CHRNB4: variants seen among roughly 807,000 people sequenced by gnomAD.
CHRNB4 encodes the protein neuronal acetylcholine receptor subunit beta-4.
A neutral mutation model predicts 40.4 loss-of-function variants in CHRNB4; 23 were observed. The ratio of observed to expected loss-of-function variants is 0.57; its 90% CI spans 0.41 to 0.81. The LOEUF (loss-of-function observed/expected upper bound fraction) is 0.81. Ranked by LOEUF, CHRNB4 falls within the 30% of genes least tolerant of loss-of-function variation. The probability of loss-of-function intolerance (pLI) is 0.00; values close to 1 mark genes in which losing one functional copy is unlikely to be tolerated. For synonymous variants in CHRNB4, 285 were observed against 274.4 expected (o/e 1.04, Z -0.38); for missense variants, 568 against 670.6 (o/e 0.85, Z 1.69).
chr15:78,640,663 C>T (rs1231538657), intron 1 of CHRNB4, among the ~76,000 whole-genome samples: 1 of 152,220 alleles, frequency 6.6e-6, no homozygotes, highest in African/African-American at 2.4e-5. Context: ...TCTGCACCCA[C>T]GCTTCAAGAA....
chr15:78,645,098 ACACCCCCAGCCAC>A (rs2054112230), upstream of CHRNB4, among the ~76,000 whole-genome samples: 1 of 151,952 alleles, frequency 6.6e-6, no homozygotes, highest in Non-Finnish European at 1.5e-5. Flanking sequence ...TCCGAAGCCC[ACACCCCCAGCCAC>A]CTCCTTCATC....
At chr15:78,654,972 G>C (rs1209355188) in intron 5 of CHRNB4, among the ~76,000 whole-genome samples, 1 of 152,110 alleles carries the variant, frequency 6.6e-6, no homozygotes, top group Non-Finnish European at 1.5e-5. Context: ...TTTATGGACG[G>C]ATAACTGGAG....
intron 2 of CHRNB4, 112 bp from the exon 3 acceptor site, chr15:78,631,444 C>A (rs2053809534): frequency 1.0e-6 from 1 of 953,170 alleles, no homozygotes; most frequent in African/African-American, 1.6e-5. Flanking sequence ...CCAACTGCCA[C>A]CCCAACATCT....
At chr15:78,632,156 T>C (rs11856072) in intron 2 of CHRNB4, among the ~76,000 whole-genome samples, 129,066 of 133,120 alleles carry the variant, frequency 0.97, 62,647 homozygotes, top group Non-Finnish European at 0.99. Flanking sequence ...TTTCTGTCTT[T>C]CTTTTCTTTT....
At position 78,649,464 on chromosome 15, in the gene CHRNB4, T is replaced by A; in HGVS notation, c.-15-25A>T. 2 of 447,792 alleles carry A rather than the reference T, an allele frequency of 4.5e-6. 1 individual carries two copies. The highest frequency in any genetic ancestry group is 3.2e-5 in the South Asian group (2 of 62,828). The allele number at this position is 447,792 out of a possible 1,614,324, so 27.7% of individuals were successfully genotyped here. ...GCTAAGAAGAATGGTTTTTATAACA[T>A]TAAAGCACTATAAAAAACAAAACAA... On this transcript the variant is annotated intron_variant and NMD_transcript_variant, in intron 6 of 11. Coordinates refer to the CHRNB4 transcript ENST00000559849.
chr15:78,649,701 A>G (rs1057507859), intron 6 of CHRNB4, among the ~76,000 whole-genome samples: 1 of 152,170 alleles, frequency 6.6e-6, no homozygotes, highest in Non-Finnish European at 1.5e-5. Flanking sequence ...CATATTAGCT[A>G]ACATTTAAAA....
rs2053609086 is a variant in CHRNB4, at chr15:78,624,641, G to C, written c.*492C>G. 1 of 238,644 alleles carries C rather than the reference G, an allele frequency of 4.2e-6. No individual in the cohort carries two copies. Among genetic ancestry groups the C allele is most frequent in the Non-Finnish European group, 8.0e-6 (1 of 124,686 alleles). 14.8% of individuals were successfully genotyped at this position (238,644 alleles called of 1,614,324 possible). A position where few individuals can be genotyped will look rare whatever the true frequency, so the allele number is the denominator to read the frequency against. On this transcript the variant is annotated 3_prime_UTR_variant, in exon 6 of 6. Transcript: ENST00000261751. ...TTCTGTAATCCCAGCTACTTGGGAG[G>C]TTGAGGCAGGAGAATCACTTGAGCC...
At chr15:78,657,856 C>A (rs956616477) in intron 2 of CHRNB4, among the ~76,000 whole-genome samples, 3 of 37,314 alleles carry the variant, frequency 8.0e-5, no homozygotes, top group African/African-American at 1.4e-4. Flanking sequence ...CTGGCTGAGG[C>A]ATCATAATTT....
At chr15:78,637,500 T>TG (rs1466981416) in intron 1 of CHRNB4, among the ~76,000 whole-genome samples, 2 of 124,384 alleles carry the variant, frequency 1.6e-5, no homozygotes, top group African/African-American at 6.2e-5. Flanking sequence ...GCCGGAGAGG[T>TG]GGGGGCGGGC....
At chr15:78,625,451 G>A (rs1390474182) in intron 5 of CHRNB4, among the ~76,000 whole-genome samples, 160 bp from the exon 6 acceptor site, 2 of 152,190 alleles carry the variant, frequency 1.3e-5, no homozygotes, top group African/African-American at 2.4e-5. Flanking sequence ...CCTCCCAGCT[G>A]GGCAGCTCTG....
chr15:78,655,410 ATATATATC>A (rs1414063545), intron 5 of CHRNB4: 13 of 148,852 alleles, frequency 8.7e-5, no homozygotes, highest in Admixed American at 7.4e-4. Context: ...TTACATATCT[ATATATATC>A]TATATATCTA....
chr15:78,632,571 A>C (rs992519136), intron 2 of CHRNB4, among the ~76,000 whole-genome samples: 42 of 151,990 alleles, frequency 2.8e-4, no homozygotes, highest in African/African-American at 9.9e-4. Context: ...TCAGCCTCCC[A>C]AAGTGCTGGC....
At chr15:78,652,086 C>T (rs563003436) in intron 6 of CHRNB4, among the ~76,000 whole-genome samples, 29 of 152,332 alleles carry the variant, frequency 1.9e-4, no homozygotes, top group Admixed American at 1.2e-3. Flanking sequence ...GGAGTTTGAA[C>T]CTGTGATTAC....
At chr15:78,658,077 C>T (rs1400666476) in intron 2 of CHRNB4, among the ~76,000 whole-genome samples, 1 of 126,822 alleles carries the variant, frequency 7.9e-6, no homozygotes, top group African/African-American at 3.0e-5. Context: ...GTTGCCCAGG[C>T]TGGAGTACAG....
chr15:78,646,472 T>C (rs575090661), intron 7 of CHRNB4, among the ~76,000 whole-genome samples: 6 of 152,360 alleles, frequency 3.9e-5, no homozygotes, highest in African/African-American at 1.4e-4. Flanking sequence ...TAGTGTGGGC[T>C]GCTCTAACAA....
intron 6 of CHRNB4, among the ~76,000 whole-genome samples, chr15:78,650,094 C>A (rs74888931): frequency 0.013 from 1,947 of 152,300 alleles, 49 homozygotes; most frequent in African/African-American, 0.044. Flanking sequence ...GCTGTGCACC[C>A]GGTCCCTTGT....
intron 5 of CHRNB4, among the ~76,000 whole-genome samples, chr15:78,653,712 G>A (rs1414387936): frequency 6.6e-6 from 1 of 152,182 alleles, no homozygotes; most frequent in Non-Finnish European, 1.5e-5. Flanking sequence ...TGAGCACAGC[G>A]AGAGTCCTAG....
At chr15:78,657,710 C>A (rs373067917) in intron 2 of CHRNB4, among the ~76,000 whole-genome samples, 1 of 152,014 alleles carries the variant, frequency 6.6e-6, no homozygotes, top group Non-Finnish European at 1.5e-5. Flanking sequence ...CTCCCCACCA[C>A]GCCCGGCAAT....
intron 2 of CHRNB4, among the ~76,000 whole-genome samples, chr15:78,632,012 T>C (rs1157599429): frequency 6.6e-6 from 1 of 152,162 alleles, no homozygotes; most frequent in Non-Finnish European, 1.5e-5. Flanking sequence ...ACTGTTCCCT[T>C]TTCCTGGAAA....
Sources: gnomAD v4.1 joint callset for allele counts (sites outside exome capture counted in the v4.1 genomes callset) on GRCh38, gnomAD v4.1.1 for gene constraint, MANE v1.5 for transcripts, NCBI Gene and HGNC (gene_info 2026-07-23, HGNC 2026-07-21) for gene names.